HNRNPL: variants seen among roughly 807,000 people sequenced by gnomAD.
The protein encoded by HNRNPL is heterogeneous nuclear ribonucleoprotein L.
HNRNPL carries 12 observed loss-of-function variants against 64.0 expected under a neutral mutation model. That is an observed-to-expected ratio of 0.19 (90% confidence interval 0.12 to 0.30). HNRNPL has a LOEUF of 0.30. HNRNPL is among the 10% of genes least tolerant of loss of function. The pLI, the probability that HNRNPL is intolerant of heterozygous loss-of-function variation, is 1.00. For missense variants in HNRNPL, 484 were observed against 797.4 expected, an observed-to-expected ratio of 0.61 and a Z score of 4.73; for synonymous variants, 385 against 313.0, an observed-to-expected ratio of 1.23 and a Z score of -2.43.
At chr19:38,849,382 T>TA (rs1028799380) in intron 1 of HNRNPL, 3 of 291,472 alleles carry the variant, frequency 1.0e-5, no homozygotes, top group African/African-American at 4.4e-5. Context: ...AAGAAAATGA[T>TA]AAAGGGGAAA....
Position 38,849,838 on chromosome 19 carries a change from G to A in HNRNPL, c.129C>T (p.Gly43=), listed in dbSNP as rs974962082. 6 of 1,192,392 alleles carry A rather than the reference G, an allele frequency of 5.0e-6. No homozygotes were observed. The highest frequency in any genetic ancestry group is 5.9e-6 in the Non-Finnish European group (5 of 848,880). 73.9% of individuals were successfully genotyped at this position (1,192,392 alleles called of 1,614,324 possible). A position where few individuals can be genotyped will look rare whatever the true frequency, so the allele number is the denominator to read the frequency against. The change falls in exon 1 of 13, where the codon GGC becomes GGT. Residue 43 remains glycine, a synonymous_variant. Transcript: ENST00000221419. The stretch of plus-strand genomic sequence containing the variant: ...TGCCGCCGCCGTAGTAGCGGCCACC[G>A]CCGCCTCCGCCGCCCGCCGCCGCCA... The part of the protein sequence containing the change: ...VKMAAAGGGG[G]GGRYYGGGSE...
At chr19:38,847,716 G>A (rs751818286) in intron 1 of HNRNPL, 11 of 222,706 alleles carry the variant, frequency 4.9e-5, no homozygotes, top group Non-Finnish European at 8.8e-5. Context: ...CAAATCTTAC[G>A]TTCTTCCAGG....
At chr19:38,842,082 A>ATT (rs60759033) in intron 6 of HNRNPL, 24 of 128,438 alleles carry the variant, frequency 1.9e-4, no homozygotes, top group Middle Eastern at 3.8e-3. Flanking sequence ...GGTTTTTTTG[A>ATT]TTTTTTTTTT....
chr19:38,836,660 A>G lies in HNRNPL; in HGVS notation c.*62T>C. ...ATCTTTTGCAAATAACAAAAACAAA[A>G]AATGGCATAAAGGAAAGAGAAATGT... On this transcript the variant is annotated 3_prime_UTR_variant, in exon 13 of 13. Transcript: ENST00000221419. 8.7e-7 allele frequency: 1 copy of G among 1,146,902 alleles called. No homozygotes were observed. Among genetic ancestry groups the G allele is most frequent in the Non-Finnish European group, 1.3e-6 (1 of 793,418 alleles). 71.0% of individuals were successfully genotyped at this position (1,146,902 alleles called of 1,614,324 possible). A position where few individuals can be genotyped will look rare whatever the true frequency, so the allele number is the denominator to read the frequency against.
At position 38,837,595 on chromosome 19, in the gene HNRNPL, T is replaced by C; in HGVS notation, c.1614A>G (p.Lys538=). ...AGGAGGTGGGCACACTCGACTCACT[T>C]TTGCCTGAGAATACTTTCACAGAAG... ...RPSSVKVFSG[K]SERSSSGLLE... Residue 538 remains lysine (K), a splice_region_variant and synonymous_variant, in exon 11 of 13, where the codon AAA becomes AAG. Transcript: ENST00000221419. 2 of 1,614,144 alleles carry C rather than the reference T, an allele frequency of 1.2e-6. No homozygotes were observed. The highest frequency in any genetic ancestry group is 1.7e-6 in the Non-Finnish European group (2 of 1,180,002).
chr19:38,851,623 G>C (rs1031373552), upstream of HNRNPL, among the ~76,000 whole-genome samples: 24 of 152,236 alleles, frequency 1.6e-4, no homozygotes, highest in Non-Finnish European at 2.6e-4. Flanking sequence ...TGGAGGCCGT[G>C]TGTGGTGGCT....
chr19:38,838,650 A>G, intron 9 of HNRNPL, 52 bp from the exon 10 acceptor site: 1 of 1,563,914 alleles, frequency 6.4e-7, no homozygotes, highest in South Asian at 1.1e-5. Context: ...TTGTCCCTGA[A>G]GCTTTCCCCT....
chr19:38,840,597 A>C (rs1273523399), intron 6 of HNRNPL, 38 bp from the exon 7 acceptor site: 1 of 1,511,890 alleles, frequency 6.6e-7, no homozygotes, highest in Non-Finnish European at 9.0e-7. Context: ...CTCACTCAGA[A>C]ATTGGGGTCT....
intron 1 of HNRNPL, among the ~76,000 whole-genome samples, chr19:38,848,412 C>T (rs1972375876): frequency 6.6e-6 from 1 of 152,162 alleles, no homozygotes; most frequent in Non-Finnish European, 1.5e-5. Flanking sequence ...TTTAGAAAGA[C>T]CAGAGACTCC....
rs1972268660 is a variant in HNRNPL, at chr19:38,845,631, G to A, written c.710+19C>T. On this transcript the variant is annotated intron_variant, in intron 4 of 12. Transcript: ENST00000221419. ...AGAGTCCCTACCCTAAGGAACACCTGTTTTCCAGCAAAGGATATTCCACCA... is the reference window on the plus strand; with the variant it reads ...AGAGTCCCTACCCTAAGGAACACCTATTTTCCAGCAAAGGATATTCCACCA... 1 of 1,599,456 alleles carries A rather than the reference G, an allele frequency of 6.3e-7. No homozygotes were observed. The highest frequency in any genetic ancestry group is 1.3e-5 in the African/African-American group (1 of 74,570).
Position 38,836,691 on chromosome 19 carries a change from T to C in HNRNPL, c.*31A>G. ...CATAAAGGAAAGAGAAATGTCTTCC[T>C]GCTCAGATGGGACTCTTCCTAGGCA... On this transcript the variant is annotated 3_prime_UTR_variant, in exon 13 of 13. Coordinates refer to ENST00000221419, the MANE Select transcript of HNRNPL (RefSeq NM_001533.3). 6.0e-6 allele frequency: 9 copies of C among 1,495,798 alleles called. No homozygotes were observed. Among genetic ancestry groups the C allele is most frequent in the Non-Finnish European group, 8.2e-6 (9 of 1,093,510 alleles). 92.7% of individuals were successfully genotyped at this position (1,495,798 alleles called of 1,614,324 possible).
intron 4 of HNRNPL, among the ~76,000 whole-genome samples, chr19:38,844,453 TC>T (rs553535434): frequency 6.6e-6 from 1 of 152,132 alleles, no homozygotes; most frequent in African/African-American, 2.4e-5. Flanking sequence ...GCCCTGAAAG[TC>T]CATCAGTGGC....
intron 9 of HNRNPL, 81 bp from the exon 10 acceptor site, chr19:38,838,679 G>A: frequency 6.9e-7 from 1 of 1,442,884 alleles, no homozygotes; most frequent in Non-Finnish European, 9.7e-7. Context: ...CAGAGGCTTA[G>A]CTTGCCCTGT....
chr19:38,852,040 G>GGGCCC (rs1972516090), upstream of HNRNPL, among the ~76,000 whole-genome samples: 1 of 151,408 alleles, frequency 6.6e-6, no homozygotes, highest in African/African-American at 2.4e-5. Flanking sequence ...GGGAGAGAGA[G>GGGCCC]GGCCCCTCCC....
Position 38,838,742 on chromosome 19 carries a change from G to A in HNRNPL, c.1356-144C>T, listed in dbSNP as rs138208520. 1,000 of 1,306,628 alleles carry A rather than the reference G, an allele frequency of 7.7e-4. 12 individuals carry two copies. The African/African-American group carries it at 0.013, about 17-fold the overall frequency. 80.9% of individuals were successfully genotyped at this position (1,306,628 alleles called of 1,614,324 possible). Reference sequence around the variant, plus strand: ...AGGCAAGGCTGACTCACTTTCTCCTGTGGTGTCAGAGACACGTCTGGGAAC... The same window carrying A: ...AGGCAAGGCTGACTCACTTTCTCCTATGGTGTCAGAGACACGTCTGGGAAC... On this transcript the variant is annotated intron_variant, in intron 9 of 12. Coordinates refer to ENST00000221419, the MANE Select transcript of HNRNPL (RefSeq NM_001533.3).
chr19:38,850,689 C>T (rs1021888649), upstream of HNRNPL, among the ~76,000 whole-genome samples: 7 of 152,216 alleles, frequency 4.6e-5, no homozygotes, highest in African/African-American at 1.7e-4. Flanking sequence ...AAGGCTAGAC[C>T]AAGATTGACA....
intron 8 of HNRNPL, chr19:38,839,265 T>C (rs1433943218): frequency 4.2e-6 from 2 of 481,550 alleles, no homozygotes; most frequent in Non-Finnish European, 3.8e-6. Flanking sequence ...GACAGAAAAC[T>C]GTACAGGAAT....
chr19:38,839,253 A>G (rs1209712017), intron 8 of HNRNPL: 5 of 512,330 alleles, frequency 9.8e-6, no homozygotes, highest in African/African-American at 7.7e-5. Context: ...TTAGTGAAGC[A>G]TGACAGAAAA....
rs774904225 is a variant in HNRNPL, at chr19:38,838,448, C to A, written c.1506G>T (p.Val502=). The A allele has an allele frequency of 6.2e-7, 1 of 1,614,040 alleles. No homozygotes were observed. The highest frequency in any genetic ancestry group is 1.7e-5 in the Admixed American group (1 of 60,018). Residue 502 remains valine (V), a synonymous_variant, in exon 10 of 13, where the codon GTG becomes GTT. Coordinates refer to ENST00000221419, the MANE Select transcript of HNRNPL (RefSeq NM_001533.3). The part of the protein sequence containing the change: ...AKNRIQHPSN[V]LHFFNAPLEV... ...CCAGCGGGGCGTTGAAGAAGTGCAGCACGTTGCTGGGGTGCTGGATGCGGT... is the reference window on the plus strand; with the variant it reads ...CCAGCGGGGCGTTGAAGAAGTGCAGAACGTTGCTGGGGTGCTGGATGCGGT...
Sources: allele counts gnomAD v4.1 joint callset (sites outside exome capture counted in the v4.1 genomes callset), GRCh38; gene constraint gnomAD v4.1.1; transcripts MANE v1.5; gene names NCBI Gene and HGNC (gene_info 2026-07-23, HGNC 2026-07-21).